RDX: variants seen among roughly 807,000 people sequenced by gnomAD.
RDX encodes the protein radixin.
In RDX, 32 loss-of-function variants were observed where a neutral mutation model predicts 83.7. The ratio of observed to expected loss-of-function variants is 0.38; its 90% CI spans 0.29 to 0.51. RDX has a LOEUF of 0.51. Ranked by LOEUF, RDX falls within the 20% of genes least tolerant of loss-of-function variation. The pLI is 0.87. For synonymous variants in RDX, 229 were observed against 222.7 expected, an observed-to-expected ratio of 1.03 and a Z score of -0.25; for missense variants, 600 against 689.9, an observed-to-expected ratio of 0.87 and a Z score of 1.46.
chr11:110,201,914 T>TGC (rs1336719947), intron 14 of RDX, among the ~76,000 whole-genome samples: 1 of 40,026 alleles, frequency 2.5e-5, no homozygotes, highest in East Asian at 1.3e-3. Flanking sequence ...TGTGTGTGTG[T>TGC]GTGTGTGTGT....
At chr11:110,272,861 G>A (rs1359587277) in intron 2 of RDX, 2 of 529,624 alleles carry the variant, frequency 3.8e-6, no homozygotes, top group Non-Finnish European at 7.1e-6. Context: ...ATAATACTAG[G>A]AGATACTACC....
chr11:110,268,028 G>A (rs539973399), intron 3 of RDX, among the ~76,000 whole-genome samples: 1 of 151,970 alleles, frequency 6.6e-6, no homozygotes, highest in Non-Finnish European at 1.5e-5. Context: ...GCAAAAAGTG[G>A]GCCAGGCACG....
At chr11:110,270,621 G>A (rs1591172743) in intron 3 of RDX, among the ~76,000 whole-genome samples, 3 of 152,164 alleles carry the variant, frequency 2.0e-5, no homozygotes, top group Middle Eastern at 6.8e-3. Context: ...TTGTACAAAC[G>A]AGAAAAATAA....
chr11:110,276,743 T>A lies in RDX; in HGVS notation c.12+2938A>T, dbSNP rs145200334. Reference sequence around the variant, plus strand: ...TGTTAGGTATTTTCTCCTAGATCATTATGGCTTTGTGGGTATTGTAAATAT... The same window carrying A: ...TGTTAGGTATTTTCTCCTAGATCATAATGGCTTTGTGGGTATTGTAAATAT... On this transcript the variant is annotated intron_variant, in intron 2 of 13. Coordinates refer to ENST00000645495, the MANE Select transcript of RDX (RefSeq NM_002906.4). Among the ~76,000 whole-genome samples, 1,429 of 152,342 alleles carry A rather than the reference T, an allele frequency of 9.4e-3. 31 individuals carry two copies. The highest frequency in any genetic ancestry group is 0.033 in the African/African-American group (1,360 of 41,590).
intron 10 of RDX, 120 bp from the exon 11 acceptor site, chr11:110,237,772 T>A: frequency 9.5e-7 from 1 of 1,057,434 alleles, no homozygotes. Flanking sequence ...AGCACACATG[T>A]AAATACATAT....
At chr11:110,209,139 C>A (rs1048922368) in intron 14 of RDX, among the ~76,000 whole-genome samples, 4 of 152,134 alleles carry the variant, frequency 2.6e-5, no homozygotes, top group Admixed American at 2.6e-4. Flanking sequence ...GCGCACCGTG[C>A]GCGAGCTGAA....
intron 9 of RDX, among the ~76,000 whole-genome samples, chr11:110,249,863 C>G (rs886540806): frequency 5.9e-5 from 9 of 152,080 alleles, no homozygotes; most frequent in Non-Finnish European, 1.2e-4. Flanking sequence ...GGCAACTGAG[C>G]AAGACCCTGT....
intron 15 of RDX, among the ~76,000 whole-genome samples, chr11:110,181,249 G>A (rs945791220): frequency 1.3e-5 from 2 of 150,316 alleles, no homozygotes; most frequent in African/African-American, 2.5e-5. Context: ...TACAACCTCC[G>A]CCTCCCGGGT....
At chr11:110,287,769 C>T (rs1284580125) in intron 1 of RDX, among the ~76,000 whole-genome samples, 1 of 152,072 alleles carries the variant, frequency 6.6e-6, no homozygotes, top group African/African-American at 2.4e-5. Flanking sequence ...CCCTTCCTGC[C>T]CAAGACAGGT....
chr11:110,290,696 G>A (rs984881395), intron 1 of RDX, among the ~76,000 whole-genome samples: 4 of 152,268 alleles, frequency 2.6e-5, no homozygotes, highest in African/African-American at 4.8e-5. Context: ...AACTTTTTCC[G>A]TAAAGGGCCA....
chr11:110,255,265 C>CA, intron 8 of RDX, 24 bp downstream of exon 8: 1 of 1,238,052 alleles, frequency 8.1e-7, no homozygotes, highest in Non-Finnish European at 1.2e-6. Flanking sequence ...AGTTAATACA[C>CA]AAAATATTAA....
chr11:110,288,513 G>A (rs1185154979), intron 1 of RDX: 3 of 152,148 alleles, frequency 2.0e-5, no homozygotes, highest in Non-Finnish European at 4.4e-5. Flanking sequence ...TAACAGGAAA[G>A]AAGCAAACAC....
chr11:110,253,753 G>A, intron 9 of RDX, 193 bp downstream of exon 9: 1 of 582,488 alleles, frequency 1.7e-6, no homozygotes, highest in Non-Finnish European at 3.0e-6. Context: ...TTCGAGATAT[G>A]TGTCAAAGAT....
chr11:110,175,645 G>A (rs1862758786), intron 15 of RDX, among the ~76,000 whole-genome samples: 1 of 152,120 alleles, frequency 6.6e-6, no homozygotes, highest in Non-Finnish European at 1.5e-5. Context: ...CAGAGGCGAG[G>A]CTTTCTGTCT....
intron 15 of RDX, among the ~76,000 whole-genome samples, chr11:110,194,429 A>G (rs1258100190): frequency 6.6e-6 from 1 of 152,198 alleles, no homozygotes; most frequent in Non-Finnish European, 1.5e-5. Context: ...CATGTTGGCC[A>G]GGCTGGTCTG....
intron 15 of RDX, among the ~76,000 whole-genome samples, chr11:110,187,733 T>C (rs562268352): frequency 3.6e-4 from 55 of 152,354 alleles, no homozygotes; most frequent in African/African-American, 1.1e-3. Context: ...GCCCCACTTA[T>C]CTTGGTCCTG....
intron 15 of RDX, among the ~76,000 whole-genome samples, chr11:110,198,609 G>C (rs1269086990): frequency 6.6e-6 from 1 of 152,090 alleles, no homozygotes; most frequent in African/African-American, 2.4e-5. Context: ...AGGGTTCCAC[G>C]TTGCACGCTC....
chr11:110,202,595 CTTTTT>C (rs58793509), intron 14 of RDX, among the ~76,000 whole-genome samples: 2 of 121,276 alleles, frequency 1.6e-5, no homozygotes, highest in Non-Finnish European at 1.8e-5. Context: ...ATTTTTCTTT[CTTTTT>C]TTTTTTTTTT....
At chr11:110,202,261 G>A (rs999527429) in intron 14 of RDX, among the ~76,000 whole-genome samples, 2 of 151,910 alleles carry the variant, frequency 1.3e-5, no homozygotes, top group Non-Finnish European at 2.9e-5. Context: ...CGAGCGTGGT[G>A]GCCTGCACCT....
Sources: allele counts gnomAD v4.1 joint callset (sites outside exome capture counted in the v4.1 genomes callset), GRCh38; gene constraint gnomAD v4.1.1; transcripts MANE v1.5; gene names NCBI Gene and HGNC (gene_info 2026-07-23, HGNC 2026-07-21).